Variants in RORA observed in about 807,000 individuals in gnomAD.
RORA encodes the protein nuclear receptor ROR-alpha.
In RORA, 7 loss-of-function variants were observed where a neutral mutation model predicts 69.5. The ratio of observed to expected loss-of-function variants is 0.10; its 90% CI spans 0.06 to 0.19. The LOEUF is 0.19. Among genes scored for constraint, RORA ranks in the 10% least tolerant of loss-of-function variants. The pLI is 1.00. For synonymous variants in RORA, 261 were observed against 240.8 expected, an observed-to-expected ratio of 1.08 and a Z score of -0.78; for missense variants, 457 against 663.0, an observed-to-expected ratio of 0.69 and a Z score of 3.41.
chr15:60,516,005 A>ATATT (rs1196064162), intron 3 of RORA, among the ~76,000 whole-genome samples: 1 of 17,268 alleles, frequency 5.8e-5, no homozygotes, highest in African/African-American at 1.8e-4. Flanking sequence ...ATATATTTAT[A>ATATT]TATATTTATA....
intron 1 of RORA, among the ~76,000 whole-genome samples, chr15:60,965,220 C>T (rs1415217065): frequency 1.3e-5 from 2 of 152,166 alleles, no homozygotes; most frequent in Admixed American, 6.5e-5. Context: ...CCCCATGTCC[C>T]GCCACCAGTT....
intron 1 of RORA, among the ~76,000 whole-genome samples, chr15:60,912,573 C>T (rs146180011): frequency 2.3e-3 from 355 of 152,038 alleles, no homozygotes; most frequent in Admixed American, 4.5e-3. Flanking sequence ...GCTAACATGG[C>T]GAAACCCCAT....
intron 1 of RORA, among the ~76,000 whole-genome samples, chr15:60,836,476 G>C (rs2073117115): frequency 6.6e-6 from 1 of 152,116 alleles, no homozygotes; most frequent in African/African-American, 2.4e-5. Flanking sequence ...AGGCTTCCTT[G>C]AGCAGTAGGC....
At chr15:60,598,558 T>C (rs2068747433) in intron 2 of RORA, 2 of 152,218 alleles carry the variant, frequency 1.3e-5, no homozygotes, top group South Asian at 4.1e-4. Flanking sequence ...TAACATTTTA[T>C]TTTTTCTACG....
intron 1 of RORA, among the ~76,000 whole-genome samples, chr15:60,731,786 C>A (rs952582290): frequency 6.6e-5 from 10 of 152,302 alleles, no homozygotes; most frequent in Middle Eastern, 3.4e-3. Context: ...GTTTGTTATT[C>A]AGTCATGGGA....
intron 1 of RORA, among the ~76,000 whole-genome samples, chr15:61,069,314 G>A (rs893248073): frequency 2.0e-5 from 3 of 152,266 alleles, no homozygotes; most frequent in African/African-American, 7.2e-5. Context: ...CTTTAAAAAC[G>A]ATGACAGTGA....
chr15:60,736,066 C>A (rs576872945), intron 1 of RORA, among the ~76,000 whole-genome samples: 1 of 152,288 alleles, frequency 6.6e-6, no homozygotes, highest in South Asian at 2.1e-4. Context: ...CAAGCAGATG[C>A]CTTCAGAAGC....
chr15:60,856,151 C>A (rs1471686315), intron 1 of RORA, among the ~76,000 whole-genome samples: 1 of 152,132 alleles, frequency 6.6e-6, no homozygotes, highest in Non-Finnish European at 1.5e-5. Context: ...ATCATCCCTA[C>A]CAACTGGGGA....
intron 2 of RORA, among the ~76,000 whole-genome samples, chr15:60,580,781 T>A (rs1254218178): frequency 6.6e-6 from 1 of 152,240 alleles, no homozygotes; most frequent in African/African-American, 2.4e-5. Flanking sequence ...CCCTCTTTGA[T>A]GTGCAAGTCA....
At chr15:61,158,046 A>C (rs1205749368) in intron 1 of RORA, among the ~76,000 whole-genome samples, 1 of 152,182 alleles carries the variant, frequency 6.6e-6, no homozygotes, top group Non-Finnish European at 1.5e-5. Context: ...CCCCAGCTGC[A>C]CACTGACTTG....
intron 1 of RORA, among the ~76,000 whole-genome samples, chr15:60,847,355 C>G (rs1037724130): frequency 6.6e-6 from 1 of 152,014 alleles, no homozygotes; most frequent in African/African-American, 2.4e-5. Context: ...GGCTGAACCT[C>G]ATCAGCTTCA....
At chr15:61,164,837 TA>T (rs1162835069) in intron 1 of RORA, among the ~76,000 whole-genome samples, 2 of 152,196 alleles carry the variant, frequency 1.3e-5, no homozygotes, top group African/African-American at 2.4e-5. Context: ...AGAAAAAATA[TA>T]AATGTTCCAG....
chr15:60,891,653 A>C (rs973171977), intron 1 of RORA, among the ~76,000 whole-genome samples: 1 of 152,224 alleles, frequency 6.6e-6, no homozygotes, highest in Non-Finnish European at 1.5e-5. Context: ...CCTGTCCTCC[A>C]GTGCCCACTC....
intron 1 of RORA, among the ~76,000 whole-genome samples, chr15:60,816,008 A>G (rs1186804184): frequency 9.7e-6 from 1 of 102,836 alleles, no homozygotes; most frequent in Non-Finnish European, 2.2e-5. Context: ...TATAAACAGT[A>G]TAAGTATTTA....
intron 1 of RORA, among the ~76,000 whole-genome samples, chr15:61,042,530 C>T (rs1209333491): frequency 2.6e-5 from 4 of 152,226 alleles, no homozygotes; most frequent in Non-Finnish European, 5.9e-5. Context: ...ACCTCAAGAG[C>T]TGCTAGCCCT....
chr15:60,661,200 TACTA>T (rs1368281339), intron 2 of RORA, among the ~76,000 whole-genome samples: 9 of 152,140 alleles, frequency 5.9e-5, no homozygotes, highest in Admixed American at 6.5e-5. Flanking sequence ...CTGTAATTTG[TACTA>T]ACTATCAGCA....
chr15:60,850,969 T>C (rs1324707280), intron 1 of RORA, among the ~76,000 whole-genome samples: 3 of 152,200 alleles, frequency 2.0e-5, no homozygotes, highest in Non-Finnish European at 4.4e-5. Flanking sequence ...TTTCATTCTT[T>C]TTCCCTCACA....
chr15:60,714,746 T>A (rs1280791576), intron 1 of RORA, among the ~76,000 whole-genome samples: 1 of 152,186 alleles, frequency 6.6e-6, no homozygotes, highest in Non-Finnish European at 1.5e-5. Context: ...CAAAATGGGC[T>A]CTGCCTTTTC....
At chr15:61,136,254 A>T (rs951741242) in intron 1 of RORA, among the ~76,000 whole-genome samples, 1 of 151,714 alleles carries the variant, frequency 6.6e-6, no homozygotes, top group Non-Finnish European at 1.5e-5. Context: ...TTCTTCTTAT[A>T]CTACCTAAAT....
Sources: allele counts gnomAD v4.1 joint callset (sites outside exome capture counted in the v4.1 genomes callset), GRCh38; gene constraint gnomAD v4.1.1; transcripts MANE v1.5; gene names NCBI Gene and HGNC (gene_info 2026-07-23, HGNC 2026-07-21).